Variants in GALNT13 observed in about 807,000 individuals in gnomAD.
GALNT13 encodes UDP-GalNAc:polypeptide N-acetylgalactosaminyltransferase 13.
Under a neutral mutation model 64.2 loss-of-function variants are expected in GALNT13, and 28 were observed. The ratio of observed to expected loss-of-function variants is 0.44; its 90% CI spans 0.32 to 0.60. The LOEUF is 0.60. Among genes scored for constraint, GALNT13 ranks in the 20% least tolerant of loss-of-function variants. The pLI is 0.05. For missense variants in GALNT13, 577 were observed against 669.8 expected (o/e 0.86, Z 1.53); for synonymous variants, 214 against 224.6 (o/e 0.95, Z 0.42).
chr2:154,346,856 A>G (rs1696095996), intron 9 of GALNT13, among the ~76,000 whole-genome samples: 1 of 152,144 alleles, frequency 6.6e-6, no homozygotes, highest in African/African-American at 2.4e-5. Flanking sequence ...CTGGTCAAAT[A>G]GCCATGCAAA....
intron 7 of GALNT13, chr2:154,257,750 T>C (rs1400159142): frequency 6.6e-6 from 1 of 152,110 alleles, no homozygotes; most frequent in Non-Finnish European, 1.5e-5. Context: ...ACAATATTAT[T>C]TGGTGGTTTT....
At chr2:154,395,090 G>A (rs1209437054) in intron 9 of GALNT13, among the ~76,000 whole-genome samples, 1 of 152,142 alleles carries the variant, frequency 6.6e-6, no homozygotes, top group Non-Finnish European at 1.5e-5. Context: ...AGGCCATTTT[G>A]TGCCAGCATG....
At chr2:154,007,289 C>T (rs1696322322) in intron 3 of GALNT13, among the ~76,000 whole-genome samples, 1 of 149,032 alleles carries the variant, frequency 6.7e-6, no homozygotes, top group Admixed American at 6.6e-5. Context: ...TGTCACCAAT[C>T]GTGTGAGCTC....
chr2:153,686,361 C>A, the GALNT13 span, among the ~76,000 whole-genome samples: 1 of 152,012 alleles, frequency 6.6e-6, no homozygotes, highest in Non-Finnish European at 1.5e-5. Flanking sequence ...AGAACTTTCA[C>A]CTCCCTAGTT....
At chr2:153,280,664 G>T in the GALNT13 span, among the ~76,000 whole-genome samples, 4 of 151,948 alleles carry the variant, frequency 2.6e-5, no homozygotes. Context: ...TCATATAATT[G>T]TTTTACTTTC....
chr2:154,150,941 C>G (rs576477276), intron 4 of GALNT13, among the ~76,000 whole-genome samples: 90 of 152,198 alleles, frequency 5.9e-4, no homozygotes, highest in Admixed American at 2.0e-3. Context: ...CAGTTCCGCT[C>G]TGATTTTAGT....
the GALNT13 span, among the ~76,000 whole-genome samples, chr2:153,208,973 CTTT>C: frequency 4.8e-3 from 361 of 74,678 alleles, 8 homozygotes; most frequent in East Asian, 0.052. Flanking sequence ...TGGTTTTGGT[CTTT>C]TTTTTTTTTT....
At chr2:153,256,366 G>A in the GALNT13 span, among the ~76,000 whole-genome samples, 12 of 152,070 alleles carry the variant, frequency 7.9e-5, no homozygotes, top group Non-Finnish European at 1.6e-4. Context: ...TTATACATTC[G>A]TCTAAATTTT....
chr2:153,560,861 G>A, the GALNT13 span, among the ~76,000 whole-genome samples: 1 of 151,898 alleles, frequency 6.6e-6, no homozygotes, highest in Admixed American at 6.6e-5. Flanking sequence ...AGAACATTAT[G>A]GAATTTTATT....
rs187151027 is a variant in GALNT13, at chr2:154,430,833, G to A, written c.1396-7759G>A. On this transcript the variant is annotated intron_variant, in intron 11 of 12. Transcript: ENST00000392825. ...GTCAGTCTGCAGCCATCAGCATTGA[G>A]GCAAGACCCTCCATCAGCAGAAATA... Among the ~76,000 whole-genome samples the A allele has an allele frequency of 1.8e-3, 268 of 152,208 alleles. 1 individual carries two copies. Among genetic ancestry groups the A allele is most frequent in the Non-Finnish European group, 2.5e-3 (172 of 68,000 alleles).
chr2:154,195,606 T>C (rs1244699476), intron 4 of GALNT13, among the ~76,000 whole-genome samples: 1 of 152,194 alleles, frequency 6.6e-6, no homozygotes, highest in Non-Finnish European at 1.5e-5. Flanking sequence ...TTCAACACTT[T>C]GGTCTTTTTA....
chr2:153,164,609 A>G, the GALNT13 span, among the ~76,000 whole-genome samples: 1 of 152,156 alleles, frequency 6.6e-6, no homozygotes, highest in Non-Finnish European at 1.5e-5. Flanking sequence ...GATACTAAAC[A>G]TATTTTAGTT....
intron 3 of GALNT13, among the ~76,000 whole-genome samples, chr2:154,139,454 A>G (rs909469731): frequency 6.6e-6 from 1 of 151,982 alleles, no homozygotes; most frequent in African/African-American, 2.4e-5. Context: ...ATAATATAGC[A>G]GAACATTGGA....
chr2:154,449,013 A>G (rs1057341379), intron 12 of GALNT13, among the ~76,000 whole-genome samples: 1 of 151,898 alleles, frequency 6.6e-6, no homozygotes, highest in African/African-American at 2.4e-5. Context: ...AAAAATACAT[A>G]TTGTTTTTGT....
the GALNT13 span, among the ~76,000 whole-genome samples, chr2:153,559,131 A>G: frequency 6.6e-6 from 1 of 152,208 alleles, no homozygotes; most frequent in African/African-American, 2.4e-5. Flanking sequence ...GCTAATAAAA[A>G]CATTTATTTT....
chr2:154,230,027 CTTG>C (rs1688833038), intron 4 of GALNT13, among the ~76,000 whole-genome samples: 1 of 152,080 alleles, frequency 6.6e-6, no homozygotes, highest in African/African-American at 2.4e-5. Context: ...AATTTAAGGG[CTTG>C]TTGATTCATG....
intron 3 of GALNT13, among the ~76,000 whole-genome samples, chr2:154,134,945 C>T (rs1364616397): frequency 6.6e-6 from 1 of 152,174 alleles, no homozygotes; most frequent in Non-Finnish European, 1.5e-5. Flanking sequence ...GAGATCGCAC[C>T]ACTGCACTCC....
chr2:153,249,462 T>A, the GALNT13 span, among the ~76,000 whole-genome samples: 3 of 152,198 alleles, frequency 2.0e-5, no homozygotes, highest in African/African-American at 7.2e-5. Flanking sequence ...CAAAGTAATT[T>A]ACAGATTCAA....
chr2:154,283,349 G>A lies in GALNT13; in HGVS notation c.976-18060G>A, dbSNP rs573007763. ...CTGTTTTTCCTGATTCCATTACATG[G>A]TAGATACATTTTGTGTGCCTTGTGT... On this transcript the variant is annotated intron_variant, in intron 8 of 12. Coordinates refer to ENST00000392825, the MANE Select transcript of GALNT13 (RefSeq NM_052917.4). Among the ~76,000 whole-genome samples the A allele has an allele frequency of 2.4e-4, 37 of 151,934 alleles. 1 individual carries two copies. Among genetic ancestry groups the A allele is most frequent in the African/African-American group, 7.5e-4 (31 of 41,430 alleles).
Sources: gnomAD v4.1 joint callset for allele counts (sites outside exome capture counted in the v4.1 genomes callset) on GRCh38, gnomAD v4.1.1 for gene constraint, MANE v1.5 for transcripts, NCBI Gene and HGNC (gene_info 2026-07-23, HGNC 2026-07-21) for gene names.